The following CELF4 variants were observed in gnomAD, a reference collection of about 807,000 sequenced individuals.
CELF4 encodes the protein CUGBP Elav-like family member 4.
A neutral mutation model predicts 59.9 loss-of-function variants in CELF4; 18 were observed. The ratio of observed to expected loss-of-function variants is 0.30; its 90% CI spans 0.21 to 0.45. The LOEUF (loss-of-function observed/expected upper bound fraction) is 0.45. Ranked by LOEUF, CELF4 falls within the 20% of genes least tolerant of loss-of-function variation. CELF4 has a pLI of 1.00. For missense variants in CELF4, 456 were observed against 689.0 expected (o/e 0.66, Z 3.79); for synonymous variants, 261 against 267.1 (o/e 0.98, Z 0.22).
At chr18:37,269,010 G>C (rs982599151) in intron 8 of CELF4, among the ~76,000 whole-genome samples, 2 of 152,162 alleles carry the variant, frequency 1.3e-5, no homozygotes, top group South Asian at 4.1e-4. Context: ...GATGCCAGAG[G>C]GGGTTGGGAA....
intron 1 of CELF4, among the ~76,000 whole-genome samples, chr18:37,492,194 C>T (rs772851752): frequency 3.3e-5 from 5 of 152,072 alleles, no homozygotes; most frequent in Non-Finnish European, 7.4e-5. Flanking sequence ...GAAAGCTGGG[C>T]GGTGGGGAAT....
intron 2 of CELF4, among the ~76,000 whole-genome samples, chr18:37,356,360 T>TG (rs1387332021): frequency 1.3e-5 from 2 of 151,728 alleles, no homozygotes; most frequent in East Asian, 3.9e-4. Context: ...GACAAAAGGG[T>TG]GGGGGGCAGA....
At chr18:37,489,815 G>T (rs895738433) in intron 1 of CELF4, among the ~76,000 whole-genome samples, 1 of 152,168 alleles carries the variant, frequency 6.6e-6, no homozygotes, top group African/African-American at 2.4e-5. Context: ...GGCTCTGAAC[G>T]CTGAGGCTTG....
intron 3 of CELF4, among the ~76,000 whole-genome samples, chr18:37,277,260 C>CA (rs2093451829): frequency 1.3e-5 from 2 of 152,202 alleles, no homozygotes; most frequent in African/African-American, 4.8e-5. Flanking sequence ...AGCTGTTCGT[C>CA]AAAAAACACC....
At chr18:37,547,160 G>GGTGTGTGTGTGTGT (rs59169669) in intron 1 of CELF4, among the ~76,000 whole-genome samples, 4,910 of 144,166 alleles carry the variant, frequency 0.034, 141 homozygotes, top group Admixed American at 0.086. Flanking sequence ...GTGTGTGTGT[G>GGTGTGTGTGTGTGT]GTGTGTGTGT....
chr18:37,565,714 C>T lies in CELF4; in HGVS notation c.-73G>A, dbSNP rs1340922562. The T allele has an allele frequency of 8.1e-6, 11 of 1,354,282 alleles. No individual in the cohort carries two copies. The highest frequency in any genetic ancestry group is 2.1e-4 in the Middle Eastern group (1 of 4,748). The allele number at this position is 1,354,282 out of a possible 1,614,324, so 83.9% of individuals were successfully genotyped here. A position where few individuals can be genotyped will look rare whatever the true frequency, so the allele number is the denominator to read the frequency against. ...CTCCTCTCTCTCGCTCGCTCGCGCT[C>T]ACACACGCACACGCATACACACACT... On this transcript the variant is annotated 5_prime_UTR_variant, in exon 1 of 13. It removes the in-frame stop codon of an upstream open reading frame in the 5' UTR. Coordinates refer to ENST00000420428, the MANE Select transcript of CELF4 (RefSeq NM_020180.4).
chr18:37,393,887 C>CTT (rs2099200775), intron 2 of CELF4, among the ~76,000 whole-genome samples: 1 of 147,224 alleles, frequency 6.8e-6, no homozygotes, highest in African/African-American at 2.5e-5. Context: ...TTAAGCAACA[C>CTT]CAATAATTCC....
In CELF4 at chr18:37,245,465, T is replaced by C. The variant is rs2061690393; in HGVS notation, c.*45-268A>G. ...GTTGGGAGAAGGTTCTTGATTTGGG[T>C]TACTTTAGCATTCTGGATTGGGGGT... On this transcript the variant is annotated intron_variant, in intron 12 of 12. Transcript: ENST00000420428. This position sits in a 1 kb window ranked among gnomAD's most constrained non-coding sequence, Gnocchi z 4.1. Among the ~76,000 whole-genome samples the C allele has an allele frequency of 6.6e-6, 1 of 152,116 alleles. No homozygotes were observed. Among genetic ancestry groups the C allele is most frequent in the Admixed American group, 6.5e-5 (1 of 15,276 alleles).
At chr18:37,336,318 G>A (rs2097769445) in intron 2 of CELF4, among the ~76,000 whole-genome samples, 1 of 152,150 alleles carries the variant, frequency 6.6e-6, no homozygotes, top group Non-Finnish European at 1.5e-5. Flanking sequence ...CAAGTAGCTG[G>A]GGCTATAGGC....
intron 1 of CELF4, among the ~76,000 whole-genome samples, chr18:37,564,504 T>C (rs992684275): frequency 1.3e-5 from 2 of 152,158 alleles, no homozygotes; most frequent in Non-Finnish European, 2.9e-5. Context: ...CTGGCAATGA[T>C]CGCTTCAAGG....
chr18:37,285,121 G>A (rs1299908856), intron 3 of CELF4, among the ~76,000 whole-genome samples: 1 of 152,228 alleles, frequency 6.6e-6, no homozygotes, highest in African/African-American at 2.4e-5. Flanking sequence ...CCCATAGCCT[G>A]CTGCTAGCTG....
intron 2 of CELF4, among the ~76,000 whole-genome samples, chr18:37,349,929 T>A (rs913756217): frequency 1.3e-5 from 2 of 151,984 alleles, no homozygotes; most frequent in African/African-American, 4.8e-5. Context: ...AAGGGATGGG[T>A]GAGGGGAGAG....
chr18:37,274,030 G>C, intron 6 of CELF4: 1 of 1,275,456 alleles, frequency 7.8e-7, no homozygotes, highest in Non-Finnish European at 9.9e-7. Context: ...GAGAGGAAAA[G>C]GCTCAGGGTA....
chr18:37,253,167 C>T lies in CELF4; in HGVS notation c.*44+600G>A, dbSNP rs924879116. Among the ~76,000 whole-genome samples the T allele has an allele frequency of 2.6e-5, 4 of 152,292 alleles. No homozygotes were observed. Among genetic ancestry groups the T allele is most frequent in the African/African-American group, 9.6e-5 (4 of 41,558 alleles). On this transcript the variant is annotated intron_variant, in intron 12 of 12. Transcript: ENST00000420428. The surrounding 1 kb of genome is among the most constrained non-coding windows in gnomAD (Gnocchi z 4.5). ...TGACCCGTGTGGGGCAGGCAGGGCCCGGGATCTCAGTGCTGTACCATCACC... is the reference window on the plus strand; with the variant it reads ...TGACCCGTGTGGGGCAGGCAGGGCCTGGGATCTCAGTGCTGTACCATCACC...
At chr18:37,249,536 C>T (rs1256660749) in intron 12 of CELF4, among the ~76,000 whole-genome samples, 2 of 152,096 alleles carry the variant, frequency 1.3e-5, no homozygotes. Flanking sequence ...CTCACACATA[C>T]CCTCATCTCT....
At chr18:37,446,376 A>G (rs1211533456) in intron 2 of CELF4, among the ~76,000 whole-genome samples, 1 of 152,072 alleles carries the variant, frequency 6.6e-6, no homozygotes, top group Non-Finnish European at 1.5e-5. Flanking sequence ...GCAGCCCCCC[A>G]GGGTCCTCAA....
At chr18:37,368,424 G>C (rs2098815688) in intron 2 of CELF4, among the ~76,000 whole-genome samples, 1 of 152,112 alleles carries the variant, frequency 6.6e-6, no homozygotes, top group East Asian at 1.9e-4. Context: ...GCAGGGGCCT[G>C]ATGGCTCCCC....
At chr18:37,371,880 G>T (rs181309051) in intron 2 of CELF4, among the ~76,000 whole-genome samples, 1 of 152,320 alleles carries the variant, frequency 6.6e-6, no homozygotes, top group Non-Finnish European at 1.5e-5. Flanking sequence ...CACATGACAA[G>T]CCTGGGAATG....
chr18:37,343,167 T>A (rs1235702258), intron 2 of CELF4, among the ~76,000 whole-genome samples: 4 of 152,212 alleles, frequency 2.6e-5, no homozygotes, highest in African/African-American at 4.8e-5. Flanking sequence ...CTAGCAGCAG[T>A]GTCTTCTACC....
Sources: gnomAD v4.1 joint callset for allele counts (sites outside exome capture counted in the v4.1 genomes callset) on GRCh38, gnomAD v4.1.1 for gene constraint, Gnocchi (gnomAD v3.1) non-coding constraint, MANE v1.5 for transcripts, NCBI Gene and HGNC (gene_info 2026-07-23, HGNC 2026-07-21) for gene names.